The following REXO1 variants were observed in gnomAD, a reference collection of about 807,000 sequenced individuals.
REXO1 encodes REX1, RNA exonuclease 1 homolog.
REXO1 carries 42 observed loss-of-function variants against 102.6 expected under a neutral mutation model. That is an observed-to-expected ratio of 0.41 (90% CI 0.32 to 0.53). REXO1 has a LOEUF of 0.53. REXO1 is among the 20% of genes least tolerant of loss of function. The probability of loss-of-function intolerance (pLI) is 0.27; values close to 1 mark genes in which losing one functional copy is unlikely to be tolerated. For missense variants in REXO1, 1,819 were observed against 1,732.5 expected, an observed-to-expected ratio of 1.05 and a Z score of -0.89; for synonymous variants, 908 against 779.1, an observed-to-expected ratio of 1.17 and a Z score of -2.76.
intron 1 of REXO1, among the ~76,000 whole-genome samples, chr19:1,835,269 C>T (rs1427042979): frequency 2.0e-5 from 3 of 152,090 alleles, no homozygotes; most frequent in Non-Finnish European, 4.4e-5. Context: ...TTGGGCCAGG[C>T]GTGGTGGCTC....
chr19:1,845,646 A>C (rs950293906), intron 1 of REXO1, among the ~76,000 whole-genome samples: 1 of 152,182 alleles, frequency 6.6e-6, no homozygotes, highest in African/African-American at 2.4e-5. Flanking sequence ...CCTGGGTGAT[A>C]AAGTGAGACC....
At chr19:1,829,811 CA>C (rs894267792) in intron 1 of REXO1, among the ~76,000 whole-genome samples, 5 of 151,636 alleles carry the variant, frequency 3.3e-5, no homozygotes, top group Admixed American at 1.3e-4. Flanking sequence ...CCCGTCTCAA[CA>C]AAAAAAAATT....
In REXO1 at chr19:1,815,784, G is replaced by A. The variant is rs769816638; in HGVS notation, c.*282C>T. 1.6e-5 allele frequency: 23 copies of A among 1,442,062 alleles called. 1 individual carries two copies. The highest frequency in any genetic ancestry group is 8.2e-5 in the South Asian group (6 of 73,304). The allele number at this position is 1,442,062 out of a possible 1,614,324, so 89.3% of individuals were successfully genotyped here. ...TGGCAGGAGGGGCAGGAGGGGCTGCGGGCCGGGTGGGGGCGGGCTCTGTCC... is the reference window on the plus strand; with the variant it reads ...TGGCAGGAGGGGCAGGAGGGGCTGCAGGCCGGGTGGGGGCGGGCTCTGTCC... On this transcript the variant is annotated 3_prime_UTR_variant, in exon 16 of 16. Transcript: ENST00000170168. The surrounding 1 kb of genome is among the most constrained non-coding windows in gnomAD (Gnocchi z 4.0).
rs1371563623 is a variant in REXO1 at position 1,828,585 on chromosome 19, C to T, written c.204G>A (p.Ala68=). 2.5e-6 allele frequency: 4 copies of T among 1,603,540 alleles called. No individual in the cohort carries two copies. Among genetic ancestry groups the T allele is most frequent in the South Asian group, 1.1e-5 (1 of 91,042 alleles). The change falls in exon 2 of 16, where the codon GCG becomes GCA. Residue 68 remains alanine, a synonymous_variant. Coordinates refer to ENST00000170168, the MANE Select transcript of REXO1 (RefSeq NM_020695.4). ...PYNPELPKPP[A]QRENGTLGLG... is the part of the protein sequence containing the mutation. ...GGCCCAGGGTGCCATTCTCCCTCTG[C>T]GCGGGGGGCTTGGGCAGCTCAGGGT...
intron 4 of REXO1, chr19:1,823,278 A>C (rs1253060410): frequency 1.9e-5 from 7 of 371,700 alleles, no homozygotes; most frequent in Non-Finnish European, 3.3e-5. Flanking sequence ...ATGGCTCCCC[A>C]TTCCCTGGAA....
chr19:1,818,653 C>T (rs2145235566), intron 9 of REXO1, 53 bp downstream of exon 9: 1 of 1,608,804 alleles, frequency 6.2e-7, no homozygotes. Flanking sequence ...CATGCCCGGC[C>T]TTGCCCACAT....
At position 1,818,607 on chromosome 19, in the gene REXO1, G is replaced by A; in HGVS notation, c.2903-12C>T. The A allele has an allele frequency of 1.2e-6, 2 of 1,608,134 alleles. No individual in the cohort carries two copies. Among genetic ancestry groups the A allele is most frequent in the South Asian group, 1.1e-5 (1 of 90,414 alleles). ...GGTCCTGCAGGAAGCTGTGGGTGGGGACCCAGGTGGAAGCTGAGGCTCACG... is the reference window on the plus strand; with the variant it reads ...GGTCCTGCAGGAAGCTGTGGGTGGGAACCCAGGTGGAAGCTGAGGCTCACG... On this transcript the variant is annotated splice_polypyrimidine_tract_variant and intron_variant, in intron 9 of 15. Transcript: ENST00000170168.
chr19:1,843,614 G>A (rs1256161133), intron 1 of REXO1, among the ~76,000 whole-genome samples: 1 of 152,166 alleles, frequency 6.6e-6, no homozygotes, highest in Non-Finnish European at 1.5e-5. Context: ...CCACCCGCTG[G>A]TAAAATCACC....
At chr19:1,834,219 A>G (rs2069978862) in intron 1 of REXO1, among the ~76,000 whole-genome samples, 1 of 152,158 alleles carries the variant, frequency 6.6e-6, no homozygotes, top group African/African-American at 2.4e-5. Context: ...CCCTTCCCAA[A>G]GGAAGGAAAT....
Position 1,826,815 on chromosome 19 carries a change from T to C in REXO1, c.1911+63A>G. Reference sequence around the variant, plus strand: ...ACTGGAAACCACTCCAGATAGAAGGTCTCTCACCAGGCCCTCGGCTCTGCC... The same window carrying C: ...ACTGGAAACCACTCCAGATAGAAGGCCTCTCACCAGGCCCTCGGCTCTGCC... On this transcript the variant is annotated intron_variant, in intron 2 of 15. Transcript: ENST00000170168. The surrounding 1 kb of genome is among the most constrained non-coding windows in gnomAD (Gnocchi z 4.3). 1 of 1,532,782 alleles carries C rather than the reference T, an allele frequency of 6.5e-7. No individual in the cohort carries two copies. Among genetic ancestry groups the C allele is most frequent in the Non-Finnish European group, 8.8e-7 (1 of 1,142,116 alleles). 94.9% of individuals were successfully genotyped at this position (1,532,782 alleles called of 1,614,324 possible).
At chr19:1,840,749 C>A (rs2011239378) in intron 1 of REXO1, among the ~76,000 whole-genome samples, 2 of 152,082 alleles carry the variant, frequency 1.3e-5, no homozygotes, top group Non-Finnish European at 1.5e-5. Context: ...CCCCACATCA[C>A]CCCCTCCGCT....
intron 1 of REXO1, among the ~76,000 whole-genome samples, chr19:1,837,258 G>A (rs2070065996): frequency 6.6e-6 from 1 of 152,190 alleles, no homozygotes; most frequent in Non-Finnish European, 1.5e-5. Flanking sequence ...CCCCACAAAT[G>A]GCCATACGTC....
At position 1,816,794 on chromosome 19, in the gene REXO1, A is replaced by G. The variant is rs756075683; in HGVS notation, c.3221T>C (p.Leu1074Pro). 1 of 1,611,308 alleles carries G rather than the reference A, an allele frequency of 6.2e-7. No homozygotes were observed. The highest frequency in any genetic ancestry group is 8.5e-7 in the Non-Finnish European group (1 of 1,179,548). Reference sequence around the variant, plus strand: ...GACCACCGTGACGCGCGTCAGCTCCAGGCCATATGTGGTGTAGGACTGCGG... The same window carrying G: ...GACCACCGTGACGCGCGTCAGCTCCGGGCCATATGTGGTGTAGGACTGCGG... Reference protein sequence around the residue: ...DCEMSYTTYGLELTRVTVVDT... With the variant: ...DCEMSYTTYGPELTRVTVVDT... Residue 1074 changes from leucine (L) to proline (P), a missense_variant, in exon 13 of 16, where the codon CTG becomes CCG. Coordinates refer to ENST00000170168, the MANE Select transcript of REXO1 (RefSeq NM_020695.4).
chr19:1,822,075 C>A, intron 4 of REXO1: 1 of 453,030 alleles, frequency 2.2e-6, no homozygotes, highest in Non-Finnish European at 3.8e-6. Flanking sequence ...CCTCTGTGTT[C>A]TGCCTTGCCC....
At chr19:1,824,226 C>T (rs1016438263) in intron 3 of REXO1, 30 of 157,648 alleles carry the variant, frequency 1.9e-4, no homozygotes, top group Non-Finnish European at 4.2e-5. Context: ...AGGGGCCTGA[C>T]AAGCGCTACT....
At chr19:1,828,721 G>A in intron 1 of REXO1, 90 bp from the exon 2 acceptor site, 1 of 1,419,934 alleles carries the variant, frequency 7.0e-7, no homozygotes, top group Non-Finnish European at 9.3e-7. Context: ...TGCAGGGAAG[G>A]GAAGAGACCT....
chr19:1,818,609 C>G lies in REXO1; in HGVS notation c.2903-14G>C. On this transcript the variant is annotated splice_polypyrimidine_tract_variant and intron_variant, in intron 9 of 15. Transcript: ENST00000170168. ...TCCTGCAGGAAGCTGTGGGTGGGGA[C>G]CCAGGTGGAAGCTGAGGCTCACGCT... The G allele has an allele frequency of 6.2e-7, 1 of 1,608,280 alleles. No individual in the cohort carries two copies. Among genetic ancestry groups the G allele is most frequent in the Non-Finnish European group, 8.5e-7 (1 of 1,178,258 alleles).
chr19:1,847,945 C>G lies in REXO1; in HGVS notation c.157+257G>C, dbSNP rs1241526770. On this transcript the variant is annotated intron_variant, in intron 1 of 15. Coordinates refer to ENST00000170168, the MANE Select transcript of REXO1 (RefSeq NM_020695.4). ...CCGGTACTCAACATGCGCTCGCACT[C>G]CGCCCTCTAGACAGCCCTGGCAGGA... Among the ~76,000 whole-genome samples, 9 of 152,352 alleles carry G rather than the reference C, an allele frequency of 5.9e-5. No homozygotes were observed. The East Asian group carries it at 9.7e-4, about 16-fold the overall frequency.
rs552509170 is a variant in REXO1, at chr19:1,847,055, G to A, written c.157+1147C>T. Reference sequence around the variant, plus strand: ...TACGGGATCTGTAGGCACAGCTGTCGGCAGGTCCCTGAGAGCACAGCCGGC... The same window carrying A: ...TACGGGATCTGTAGGCACAGCTGTCAGCAGGTCCCTGAGAGCACAGCCGGC... On this transcript the variant is annotated intron_variant, in intron 1 of 15. Transcript: ENST00000170168. Among the ~76,000 whole-genome samples, 160 of 152,240 alleles carry A rather than the reference G, an allele frequency of 1.1e-3. 1 individual carries two copies. The highest frequency in any genetic ancestry group is 3.7e-3 in the African/African-American group (153 of 41,532).
Sources: gnomAD v4.1 joint callset for allele counts (sites outside exome capture counted in the v4.1 genomes callset) on GRCh38, gnomAD v4.1.1 for gene constraint, Gnocchi (gnomAD v3.1) non-coding constraint, MANE v1.5 for transcripts, NCBI Gene and HGNC (gene_info 2026-07-23, HGNC 2026-07-21) for gene names.